EGF: variants seen among roughly 807,000 people sequenced by gnomAD.
The protein encoded by EGF is pro-epidermal growth factor.
Under a neutral mutation model 143.8 loss-of-function variants are expected in EGF, and 95 were observed. The observed-to-expected ratio is 0.66, with a 90% CI of 0.56 to 0.78. The LOEUF (loss-of-function observed/expected upper bound fraction) is 0.78. EGF is among the 30% of genes least tolerant of loss of function. The pLI, the probability that EGF is intolerant of heterozygous loss-of-function variation, is 0.00. For synonymous variants in EGF, 510 were observed against 510.5 expected, an observed-to-expected ratio of 1.00 and a Z score of 0.01; for missense variants, 1,320 against 1,470.9, an observed-to-expected ratio of 0.90 and a Z score of 1.68.
At chr4:109,955,443 T>C (rs1209858385) in intron 5 of EGF, among the ~76,000 whole-genome samples, 2 of 152,188 alleles carry the variant, frequency 1.3e-5, no homozygotes, top group East Asian at 3.8e-4. Context: ...CTCAATCCTC[T>C]GTGTTTTGCC....
chr4:109,924,774 C>G (rs1052333179), intron 1 of EGF, among the ~76,000 whole-genome samples: 1 of 152,124 alleles, frequency 6.6e-6, no homozygotes, highest in African/African-American at 2.4e-5. Context: ...CTAGGATGAG[C>G]TTTTTGTTGG....
At chr4:109,959,009 G>T in intron 5 of EGF, 3 of 326,350 alleles carry the variant, frequency 9.2e-6, no homozygotes, top group South Asian at 3.3e-5. Context: ...GTGCTTTTTT[G>T]TGATAAAAGT....
intron 11 of EGF, among the ~76,000 whole-genome samples, chr4:109,972,125 T>G (rs774124505): frequency 3.3e-5 from 5 of 152,028 alleles, no homozygotes; most frequent in Non-Finnish European, 7.4e-5. Context: ...TCTTGGAGGA[T>G]CTCAGTGACA....
At chr4:109,995,837 G>A (rs933299111) in intron 20 of EGF, among the ~76,000 whole-genome samples, 1 of 152,186 alleles carries the variant, frequency 6.6e-6, no homozygotes, top group Non-Finnish European at 1.5e-5. Context: ...TTGTGGAAGA[G>A]TAAGCTATAT....
chr4:109,936,634 AG>A (rs2125989932), intron 1 of EGF, among the ~76,000 whole-genome samples: 1 of 152,076 alleles, frequency 6.6e-6, no homozygotes, highest in East Asian at 1.9e-4. Context: ...TGTTATGTTA[AG>A]GTGTCGATTT....
intron 6 of EGF, 141 bp from the exon 7 acceptor site, chr4:109,960,720 TGCTAGA>T (rs1178876736): frequency 3.0e-5 from 25 of 833,516 alleles, no homozygotes; most frequent in Non-Finnish European, 4.7e-5. Context: ...TTTTACCCTT[TGCTAGA>T]GTATGGAAAA....
intron 1 of EGF, among the ~76,000 whole-genome samples, chr4:109,937,911 G>A (rs1417632440): frequency 6.6e-6 from 1 of 152,094 alleles, no homozygotes; most frequent in East Asian, 1.9e-4. Flanking sequence ...CCCTTTGTGG[G>A]TAACTCGACC....
At chr4:109,970,004 G>A (rs1747309454) in intron 11 of EGF, among the ~76,000 whole-genome samples, 1 of 152,148 alleles carries the variant, frequency 6.6e-6, no homozygotes. Flanking sequence ...CAAGCATGAA[G>A]GAGGGAGGAG....
intron 5 of EGF, among the ~76,000 whole-genome samples, chr4:109,949,528 A>C (rs71603050): frequency 6.6e-6 from 1 of 152,154 alleles, no homozygotes; most frequent in Non-Finnish European, 1.5e-5. Flanking sequence ...ATTACTCTCT[A>C]AAGGTGACAC....
At chr4:110,009,711 T>C (rs771557477) in intron 23 of EGF, among the ~76,000 whole-genome samples, 60 of 151,964 alleles carry the variant, frequency 3.9e-4, no homozygotes, top group Admixed American at 1.6e-3. Flanking sequence ...AAAATGCGCA[T>C]AGAGATTGGG....
At chr4:110,004,661 G>C (rs774696652) in intron 22 of EGF, 39 bp downstream of exon 22, 1 of 1,553,854 alleles carries the variant, frequency 6.4e-7, no homozygotes, top group African/African-American at 1.4e-5. Flanking sequence ...GAATTGGCTT[G>C]ATATTAACCC....
At chr4:109,976,306 T>C in intron 13 of EGF, 71 bp downstream of exon 13, 1 of 1,272,880 alleles carries the variant, frequency 7.9e-7, no homozygotes, top group Non-Finnish European at 1.1e-6. Context: ...AAAATATGTT[T>C]ACACACACAC....
At chr4:109,959,474 T>A in intron 6 of EGF, 37 bp downstream of exon 6, 1 of 1,611,458 alleles carries the variant, frequency 6.2e-7, no homozygotes, top group East Asian at 2.2e-5. Context: ...AATGGAAGAG[T>A]CGCTGCTTGA....
chr4:109,933,347 G>A (rs1034406528), intron 1 of EGF, among the ~76,000 whole-genome samples: 3 of 152,006 alleles, frequency 2.0e-5, no homozygotes, highest in Non-Finnish European at 4.4e-5. Flanking sequence ...AATTCTCTTA[G>A]ACATTTATGC....
In EGF at chr4:109,945,112, C is replaced by T. The variant is rs1243180900; in HGVS notation, c.777C>T (p.Ile259=). ...CAATGTCCCTTTTTGGTGACCGTAT[C>T]TTCTATTCAACATGGAAAATGAAGA... ...LFAMSLFGDR[I]FYSTWKMKTI... The change falls in exon 5 of 24, where the codon ATC becomes ATT. Residue 259 remains isoleucine, a synonymous_variant. Transcript: ENST00000265171. The T allele has an allele frequency of 1.2e-6, 2 of 1,614,148 alleles. No individual in the cohort carries two copies. Among genetic ancestry groups the T allele is most frequent in the Admixed American group, 1.7e-5 (1 of 60,020 alleles).
At chr4:109,944,608 ATTAACAGAG>A (rs2126010928) in intron 4 of EGF, among the ~76,000 whole-genome samples, 1 of 152,372 alleles carries the variant, frequency 6.6e-6, no homozygotes, top group East Asian at 1.9e-4. Context: ...AACAAAAATA[ATTAACAGAG>A]TATTTGGCAC....
At chr4:109,952,983 C>T in intron 5 of EGF, among the ~76,000 whole-genome samples, 1 of 152,212 alleles carries the variant, frequency 6.6e-6, no homozygotes, top group African/African-American at 2.4e-5. Flanking sequence ...GAAACCAGAT[C>T]ATTAGTCCTA....
chr4:110,004,469 G>T, intron 21 of EGF, 36 bp from the exon 22 acceptor site: 2 of 1,587,186 alleles, frequency 1.3e-6, no homozygotes, highest in Non-Finnish European at 1.7e-6. Context: ...ATTTTGTTTT[G>T]TTGTGAGATT....
intron 7 of EGF, among the ~76,000 whole-genome samples, chr4:109,961,292 CTGCAG>C (rs1374056044): frequency 1.3e-5 from 2 of 151,990 alleles, no homozygotes; most frequent in Non-Finnish European, 2.9e-5. Context: ...GAGGAGGAGG[CTGCAG>C]TGAGCCGAAA....
Sources: allele counts gnomAD v4.1 joint callset (sites outside exome capture counted in the v4.1 genomes callset), GRCh38; gene constraint gnomAD v4.1.1; transcripts MANE v1.5; gene names NCBI Gene and HGNC (gene_info 2026-07-23, HGNC 2026-07-21).